Variants in DLGAP2 observed in about 807,000 individuals in gnomAD.
DLGAP2 encodes the protein DLG associated protein 2, also known as disks large-associated protein 2.
A neutral mutation model predicts 100.3 loss-of-function variants in DLGAP2; 26 were observed. The observed-to-expected ratio is 0.26, with a 90% confidence interval of 0.19 to 0.36. The LOEUF is 0.36. DLGAP2 is among the 10% of genes least tolerant of loss of function. The pLI is 1.00. For synonymous variants in DLGAP2, 886 were observed against 630.1 expected, an observed-to-expected ratio of 1.41 and a Z score of -6.08; for missense variants, 1,858 against 1,453.2, an observed-to-expected ratio of 1.28 and a Z score of -4.53.
chr8:1,185,512 A>T (rs1055766681), intron 2 of DLGAP2, among the ~76,000 whole-genome samples: 1 of 152,136 alleles, frequency 6.6e-6, no homozygotes, highest in Non-Finnish European at 1.5e-5. Flanking sequence ...GGGTTGTTTG[A>T]TCAAGCTCCT....
At chr8:1,440,282 T>G (rs1264859301) in intron 3 of DLGAP2, among the ~76,000 whole-genome samples, 1 of 152,226 alleles carries the variant, frequency 6.6e-6, no homozygotes, top group Non-Finnish European at 1.5e-5. Context: ...ACTTTTAAAT[T>G]CAGGGTGTTA....
chr8:765,667 C>T (rs1253630451), intron 1 of DLGAP2, among the ~76,000 whole-genome samples: 1 of 152,072 alleles, frequency 6.6e-6, no homozygotes, highest in Non-Finnish European at 1.5e-5. Flanking sequence ...ACGTTTGGGA[C>T]CTCTAAGACT....
intron 3 of DLGAP2, chr8:1,301,266 C>G (rs1800331870): frequency 6.6e-6 from 1 of 152,098 alleles, no homozygotes; most frequent in Non-Finnish European, 1.5e-5. Context: ...CCTGTCCTGA[C>G]AGCACCACGT....
chr8:1,106,927 C>T (rs1167377111), intron 2 of DLGAP2, among the ~76,000 whole-genome samples: 1 of 152,130 alleles, frequency 6.6e-6, no homozygotes, highest in Admixed American at 6.5e-5. Flanking sequence ...GTTCTAGGAG[C>T]AGGATTGCTT....
intron 2 of DLGAP2, among the ~76,000 whole-genome samples, chr8:1,069,353 G>T (rs1168954897): frequency 2.0e-5 from 3 of 152,134 alleles, no homozygotes; most frequent in Non-Finnish European, 4.4e-5. Flanking sequence ...GACAGGTCGC[G>T]AGGACACCAG....
At chr8:771,518 C>T (rs1259417260) in intron 1 of DLGAP2, among the ~76,000 whole-genome samples, 1 of 152,230 alleles carries the variant, frequency 6.6e-6, no homozygotes, top group South Asian at 2.1e-4. Context: ...GTACTTGCTA[C>T]TTAATTGTTT....
chr8:861,620 T>C (rs1386027192), intron 1 of DLGAP2, among the ~76,000 whole-genome samples: 2 of 152,258 alleles, frequency 1.3e-5, no homozygotes, highest in Non-Finnish European at 2.9e-5. Context: ...TTACCTTTAA[T>C]GTGAAATCAA....
At chr8:1,104,618 C>T (rs978012083) in intron 2 of DLGAP2, among the ~76,000 whole-genome samples, 2 of 152,186 alleles carry the variant, frequency 1.3e-5, no homozygotes, top group East Asian at 3.9e-4. Context: ...TCATTTAATC[C>T]TTGGGCTGCT....
intron 1 of DLGAP2, among the ~76,000 whole-genome samples, chr8:752,139 A>T (rs185588621): frequency 6.6e-6 from 1 of 151,924 alleles, no homozygotes; most frequent in Admixed American, 6.6e-5. Context: ...GGTTGCCTGC[A>T]CCCCCTTCTC....
intron 2 of DLGAP2, among the ~76,000 whole-genome samples, chr8:1,191,223 G>A (rs537978098): frequency 7.9e-6 from 1 of 126,090 alleles, no homozygotes; most frequent in African/African-American, 2.9e-5. Flanking sequence ...CCAGGCTGGA[G>A]TACAGTGGCG....
At chr8:1,526,980 G>A (rs558047543) in intron 4 of DLGAP2, among the ~76,000 whole-genome samples, 19 of 152,028 alleles carry the variant, frequency 1.2e-4, no homozygotes, top group African/African-American at 2.4e-4. Flanking sequence ...AGCGGGTGCC[G>A]TCACAAGCCC....
intron 1 of DLGAP2, among the ~76,000 whole-genome samples, chr8:758,368 T>A (rs998617676): frequency 6.6e-6 from 1 of 152,214 alleles, no homozygotes; most frequent in African/African-American, 2.4e-5. Context: ...CTTATCAGGT[T>A]GTATTTAAAA....
chr8:978,816 A>T (rs1172299615), intron 2 of DLGAP2, among the ~76,000 whole-genome samples: 2 of 152,200 alleles, frequency 1.3e-5, no homozygotes, highest in African/African-American at 4.8e-5. Context: ...ACCTTTTGAT[A>T]AGCTTGACAA....
intron 3 of DLGAP2, among the ~76,000 whole-genome samples, chr8:1,417,713 C>CAGCGA (rs1563134312): frequency 4.8e-5 from 7 of 147,244 alleles, no homozygotes; most frequent in African/African-American, 1.3e-4. Flanking sequence ...CTGCCTCACT[C>CAGCGA]GGCGAGGCTC....
At position 1,474,340 on chromosome 8, in the gene DLGAP2, C is replaced by T. The variant is rs537807637; in HGVS notation, c.107-27026C>T. 3.1e-4 allele frequency among the ~76,000 whole-genome samples: 47 copies of T among 152,268 alleles called. 1 individual carries two copies. In the South Asian group the frequency reaches 9.5e-3, roughly 31 times the overall value. ...TGATTGTGAATTGTGCTGCTATAAA[C>T]ACGTGTGTGCAAGTGTCTTTTTCAT... On this transcript the variant is annotated intron_variant, in intron 3 of 14. Transcript: ENST00000637795.
chr8:1,287,151 TGTGTGTGCGCGC>T (rs1476857720), intron 3 of DLGAP2, among the ~76,000 whole-genome samples: 2,504 of 132,136 alleles, frequency 0.019, 33 homozygotes, highest in South Asian at 0.043. Flanking sequence ...TGTGTGTGTG[TGTGTGTGCGCGC>T]GCGCGCGTGG....
intron 3 of DLGAP2, among the ~76,000 whole-genome samples, chr8:1,322,988 C>G (rs576203060): frequency 1.3e-5 from 2 of 152,056 alleles, no homozygotes; most frequent in East Asian, 3.9e-4. Context: ...CTCCATGCCC[C>G]ATAGAATAAG....
intron 2 of DLGAP2, among the ~76,000 whole-genome samples, chr8:1,197,034 A>G (rs1250621075): frequency 2.0e-5 from 3 of 152,172 alleles, no homozygotes; most frequent in South Asian, 4.1e-4. Context: ...GTCTGTGGTC[A>G]GGAGGAGATG....
intron 1 of DLGAP2, among the ~76,000 whole-genome samples, chr8:772,835 T>C (rs950080434): frequency 3.3e-5 from 5 of 152,194 alleles, no homozygotes; most frequent in African/African-American, 1.2e-4. Context: ...CTTCTTCCGC[T>C]GAACGGTGTA....
Sources: allele counts gnomAD v4.1 joint callset (sites outside exome capture counted in the v4.1 genomes callset), GRCh38; gene constraint gnomAD v4.1.1; transcripts MANE v1.5; gene names NCBI Gene and HGNC (gene_info 2026-07-23, HGNC 2026-07-21).